PLCXD3: variants seen among roughly 807,000 people sequenced by gnomAD.
PLCXD3 encodes the protein phosphatidylinositol specific phospholipase C X domain containing 3.
Under a neutral mutation model 25.5 loss-of-function variants are expected in PLCXD3, and 19 were observed. That is an observed-to-expected ratio of 0.75 (90% CI 0.52 to 1.09). The LOEUF is 1.09. PLCXD3 is among the 50% of genes least tolerant of loss of function. The probability of loss-of-function intolerance (pLI) is 0.00; values close to 1 mark genes in which losing one functional copy is unlikely to be tolerated. For missense variants in PLCXD3, 411 were observed against 388.1 expected, an observed-to-expected ratio of 1.06 and a Z score of -0.50; for synonymous variants, 174 against 137.6, an observed-to-expected ratio of 1.26 and a Z score of -1.85.
At chr5:41,494,538 G>T (rs1748792975) in intron 1 of PLCXD3, among the ~76,000 whole-genome samples, 1 of 152,166 alleles carries the variant, frequency 6.6e-6, no homozygotes. Context: ...AAACTAATAG[G>T]TAATGATCCA....
chr5:41,459,817 C>T lies in PLCXD3; in HGVS notation c.103+50607G>A, dbSNP rs78647399. Among the ~76,000 whole-genome samples the T allele has an allele frequency of 3.6e-3, 541 of 151,950 alleles. 4 individuals carry two copies. Among genetic ancestry groups the T allele is most frequent in the African/African-American group, 0.011 (452 of 41,494 alleles). On this transcript the variant is annotated intron_variant, in intron 1 of 2. Transcript: ENST00000377801. ...CACTTCTTGCAAACTTTCTTTTGTA[C>T]CCAACTTAAGGATTGCTGCCATTAA...
chr5:41,320,606 C>A (rs1313436992), intron 2 of PLCXD3, among the ~76,000 whole-genome samples: 1 of 152,236 alleles, frequency 6.6e-6, no homozygotes, highest in East Asian at 1.9e-4. Context: ...ACACCATTCT[C>A]CTGCCTCAGC....
chr5:41,467,177 T>C lies in PLCXD3; in HGVS notation c.103+43247A>G, dbSNP rs532733807. ...CACTAATTTACATTTCCACCAACAATGTTTAAAAATTCCCTGTTTTCCACA... is the reference window on the plus strand; with the variant it reads ...CACTAATTTACATTTCCACCAACAACGTTTAAAAATTCCCTGTTTTCCACA... On this transcript the variant is annotated intron_variant, in intron 1 of 2. Coordinates refer to ENST00000377801, the MANE Select transcript of PLCXD3 (RefSeq NM_001005473.3). Among the ~76,000 whole-genome samples the C allele has an allele frequency of 3.3e-5, 5 of 152,320 alleles. No individual in the cohort carries two copies. The East Asian group carries it at 9.7e-4, about 29-fold the overall frequency.
intron 1 of PLCXD3, among the ~76,000 whole-genome samples, chr5:41,444,922 T>C: frequency 6.6e-6 from 1 of 152,242 alleles, no homozygotes; most frequent in East Asian, 1.9e-4. Flanking sequence ...TTGGGGGTAT[T>C]CTACTTTAAA....
chr5:41,371,713 C>T (rs1015796206), intron 2 of PLCXD3, among the ~76,000 whole-genome samples: 17 of 152,130 alleles, frequency 1.1e-4, no homozygotes, highest in Non-Finnish European at 2.1e-4. Context: ...GCCTGGGGAT[C>T]TTTGGCTAAA....
intron 1 of PLCXD3, among the ~76,000 whole-genome samples, chr5:41,396,355 G>A (rs1746007798): frequency 6.6e-6 from 1 of 151,996 alleles, no homozygotes; most frequent in South Asian, 2.1e-4. Flanking sequence ...CTCCACCATG[G>A]TAAGACATGC....
intron 1 of PLCXD3, among the ~76,000 whole-genome samples, chr5:41,445,083 AT>A (rs1747464788): frequency 6.6e-6 from 1 of 152,196 alleles, no homozygotes; most frequent in South Asian, 2.1e-4. Flanking sequence ...TTCTCTATTG[AT>A]GAGAATCAGA....
At chr5:41,454,272 A>G (rs1175696658) in intron 1 of PLCXD3, among the ~76,000 whole-genome samples, 1 of 152,010 alleles carries the variant, frequency 6.6e-6, no homozygotes, top group African/African-American at 2.4e-5. Flanking sequence ...CATTCAGGCT[A>G]CTATAACAAA....
chr5:41,316,504 G>T (rs1596664), intron 2 of PLCXD3, among the ~76,000 whole-genome samples: 5 of 152,286 alleles, frequency 3.3e-5, no homozygotes, highest in African/African-American at 1.2e-4. Flanking sequence ...ACTTTGTCTT[G>T]CACCTTTGGT....
intron 1 of PLCXD3, among the ~76,000 whole-genome samples, chr5:41,447,894 G>A (rs1747540254): frequency 6.6e-6 from 1 of 152,212 alleles, no homozygotes; most frequent in African/African-American, 2.4e-5. Flanking sequence ...GTTACATGCT[G>A]TGCTGTGAAT....
chr5:41,309,853 T>C lies in PLCXD3; in HGVS notation c.*3764A>G, dbSNP rs930553986. The C allele has an allele frequency of 6.6e-6, 1 of 152,190 alleles. No individual in the cohort carries two copies. The highest frequency in any genetic ancestry group is 1.5e-5 in the Non-Finnish European group (1 of 68,020). 9.4% of individuals were successfully genotyped at this position (152,190 alleles called of 1,614,324 possible). On this transcript the variant is annotated 3_prime_UTR_variant, in exon 3 of 3. Coordinates refer to ENST00000377801, the MANE Select transcript of PLCXD3 (RefSeq NM_001005473.3). ...CACTTTTCATTGGTTTTCTAGTTACTTTTCTCCTCTTAAATATTTAAATAT... is the reference window on the plus strand; with the variant it reads ...CACTTTTCATTGGTTTTCTAGTTACCTTTCTCCTCTTAAATATTTAAATAT...
intron 1 of PLCXD3, among the ~76,000 whole-genome samples, chr5:41,420,724 C>T (rs1247962601): frequency 6.6e-6 from 1 of 152,188 alleles, no homozygotes; most frequent in African/African-American, 2.4e-5. Context: ...TAATTGTATA[C>T]AATAAGCCAG....
At chr5:41,468,577 T>G (rs948345341) in intron 1 of PLCXD3, among the ~76,000 whole-genome samples, 1 of 152,218 alleles carries the variant, frequency 6.6e-6, no homozygotes, top group Admixed American at 6.5e-5. Flanking sequence ...TTTTCAGCAT[T>G]CAGGTCATTT....
intron 1 of PLCXD3, among the ~76,000 whole-genome samples, chr5:41,449,669 G>A (rs1457130): frequency 0.63 from 95,085 of 151,872 alleles, 31,695 homozygotes; most frequent in Admixed American, 0.73. Flanking sequence ...CCATCCTACT[G>A]GGAATACCTA....
At chr5:41,505,503 G>A (rs1749035648) in intron 1 of PLCXD3, among the ~76,000 whole-genome samples, 1 of 152,056 alleles carries the variant, frequency 6.6e-6, no homozygotes, top group Non-Finnish European at 1.5e-5. Flanking sequence ...TAACAATATT[G>A]CAAAGTTCTA....
intron 1 of PLCXD3, among the ~76,000 whole-genome samples, chr5:41,455,209 T>C (rs1380611210): frequency 6.6e-6 from 1 of 151,960 alleles, no homozygotes; most frequent in Non-Finnish European, 1.5e-5. Context: ...GATTTTAGAC[T>C]TCAGGCTTCC....
chr5:41,409,978 AAATG>A (rs900445004), intron 1 of PLCXD3, among the ~76,000 whole-genome samples: 1 of 152,152 alleles, frequency 6.6e-6, no homozygotes, highest in Non-Finnish European at 1.5e-5. Flanking sequence ...GGTTTTCACC[AAATG>A]AATGAATGAA....
intron 2 of PLCXD3, among the ~76,000 whole-genome samples, chr5:41,368,070 T>G (rs937159413): frequency 6.6e-6 from 1 of 152,218 alleles, no homozygotes; most frequent in African/African-American, 2.4e-5. Context: ...ATTTTCACAA[T>G]TTTGATTCTT....
chr5:41,464,270 T>C (rs982960712), intron 1 of PLCXD3, among the ~76,000 whole-genome samples: 3 of 152,078 alleles, frequency 2.0e-5, no homozygotes, highest in African/African-American at 7.2e-5. Context: ...CTCAATTACC[T>C]ACTTAGTTAA....
Sources: allele counts gnomAD v4.1 joint callset (sites outside exome capture counted in the v4.1 genomes callset), GRCh38; gene constraint gnomAD v4.1.1; transcripts MANE v1.5; gene names NCBI Gene and HGNC (gene_info 2026-07-23, HGNC 2026-07-21).